Variants in MBD5 observed in about 807,000 individuals in gnomAD.
MBD5 encodes methyl-CpG-binding domain protein 5.
MBD5 carries 13 observed loss-of-function variants against 117.3 expected under a neutral mutation model. That is an observed-to-expected ratio of 0.11 (90% CI 0.07 to 0.18). The LOEUF is 0.18. Among genes scored for constraint, MBD5 ranks in the 10% least tolerant of loss-of-function variants. The pLI is 1.00. For synonymous variants in MBD5, 727 were observed against 766.4 expected (o/e 0.95, Z 0.85); for missense variants, 1,879 against 2,093.8 (o/e 0.90, Z 2.00).
chr2:148,181,643 T>G (rs1375782387), intron 2 of MBD5, among the ~76,000 whole-genome samples: 1 of 152,216 alleles, frequency 6.6e-6, no homozygotes, highest in African/African-American at 2.4e-5. Flanking sequence ...ATTTCCCTCT[T>G]CTGAACTTGC....
chr2:148,088,119 C>T (rs757211478), intron 1 of MBD5, among the ~76,000 whole-genome samples: 3 of 151,854 alleles, frequency 2.0e-5, no homozygotes, highest in South Asian at 2.1e-4. Flanking sequence ...GAACTTCACA[C>T]GTTGAAGACA....
chr2:148,471,950 A>G (rs1022020260), intron 8 of MBD5: 1 of 152,086 alleles, frequency 6.6e-6, no homozygotes, highest in Non-Finnish European at 1.5e-5. Context: ...ATTTAAAAGT[A>G]CACCATATTT....
intron 3 of MBD5, among the ~76,000 whole-genome samples, chr2:148,326,078 T>G (rs1702441213): frequency 1.3e-5 from 2 of 152,222 alleles, no homozygotes; most frequent in Non-Finnish European, 2.9e-5. Context: ...TATTTCTGCC[T>G]TCATTTCGTT....
At position 148,377,507 on chromosome 2, in the gene MBD5, A is replaced by G. The variant is rs569653761; in HGVS notation, c.-557+35171A>G. 3.9e-5 allele frequency among the ~76,000 whole-genome samples: 6 copies of G among 152,310 alleles called. No individual in the cohort carries two copies. In the East Asian group the frequency reaches 9.6e-4, roughly 24 times the overall value. On this transcript the variant is annotated intron_variant, in intron 4 of 13. Transcript: ENST00000642680. ...GGTTGAGAACCAGTAAGGGACTCCT[A>G]TGTCTTTGCTTCATGGGCAACTAAG... is the stretch of plus-strand genomic sequence containing the variant.
Position 148,258,838 on chromosome 2 carries a change from G to A in MBD5, c.-680+25443G>A, listed in dbSNP as rs113911150. Among the ~76,000 whole-genome samples, 822 of 152,256 alleles carry A rather than the reference G, an allele frequency of 5.4e-3. 10 individuals are homozygous for A. The highest frequency in any genetic ancestry group is 0.019 in the African/African-American group (795 of 41,550). ...TCCCATGGGGGCCCCCCTGTGGGTG[G>A]GGCATCTTCCCCTTCTTTAAGGCGC... On this transcript the variant is annotated intron_variant, in intron 3 of 13. Transcript: ENST00000642680.
intron 2 of MBD5, among the ~76,000 whole-genome samples, chr2:148,201,284 G>A (rs916761663): frequency 2.6e-5 from 4 of 152,202 alleles, no homozygotes; most frequent in Admixed American, 2.6e-4. Flanking sequence ...CTCCACATGG[G>A]GCTTGTTCCT....
intron 4 of MBD5, among the ~76,000 whole-genome samples, chr2:148,397,325 C>CTTTTTT (rs34236548): frequency 3.0e-5 from 3 of 100,668 alleles, no homozygotes; most frequent in Non-Finnish European, 3.9e-5. Context: ...TCTTCTGATC[C>CTTTTTT]TTTTTTTTTT....
At chr2:148,452,825 G>A (rs548175317) in intron 4 of MBD5, among the ~76,000 whole-genome samples, 1 of 152,252 alleles carries the variant, frequency 6.6e-6, no homozygotes, top group African/African-American at 2.4e-5. Flanking sequence ...ATCACTCAGA[G>A]ATTGTGAGAT....
At chr2:148,054,047 A>G (rs1048509712) in intron 1 of MBD5, 2 of 151,940 alleles carry the variant, frequency 1.3e-5, no homozygotes, top group Admixed American at 1.3e-4. Context: ...AGCTGGGACT[A>G]CAGGTGGGCG....
intron 1 of MBD5, among the ~76,000 whole-genome samples, chr2:148,106,044 T>C (rs1479014136): frequency 1.3e-5 from 2 of 152,054 alleles, no homozygotes; most frequent in East Asian, 3.9e-4. Flanking sequence ...TTTTTTGTCC[T>C]AGTACATAAT....
At chr2:148,036,151 A>T (rs1694189159) in intron 1 of MBD5, among the ~76,000 whole-genome samples, 1 of 151,910 alleles carries the variant, frequency 6.6e-6, no homozygotes, top group Non-Finnish European at 1.5e-5. Flanking sequence ...GTTGAGGGAG[A>T]TAGTGGGAAA....
chr2:148,094,299 A>G (rs763276323), intron 1 of MBD5, among the ~76,000 whole-genome samples: 9 of 152,200 alleles, frequency 5.9e-5, no homozygotes, highest in Non-Finnish European at 8.8e-5. Context: ...CTTTCCTTGC[A>G]TAAAACTCTA....
chr2:148,195,991 A>T (rs1257709218), intron 2 of MBD5, among the ~76,000 whole-genome samples: 1 of 152,224 alleles, frequency 6.6e-6, no homozygotes, highest in Admixed American at 6.5e-5. Context: ...ATGGGAAGTC[A>T]TTAAAATAGC....
At chr2:148,413,005 G>A (rs1282309007) in intron 4 of MBD5, among the ~76,000 whole-genome samples, 4 of 152,122 alleles carry the variant, frequency 2.6e-5, no homozygotes, top group African/African-American at 9.7e-5. Context: ...ATCAATAGGA[G>A]TGGTGAGAAT....
intron 1 of MBD5, among the ~76,000 whole-genome samples, chr2:148,098,966 G>T (rs1696135445): frequency 6.6e-6 from 1 of 152,104 alleles, no homozygotes; most frequent in African/African-American, 2.4e-5. Flanking sequence ...GATGCAGTTG[G>T]ATCGTTTGAG....
chr2:148,407,432 G>C (rs1481508687), intron 4 of MBD5, among the ~76,000 whole-genome samples: 1 of 151,698 alleles, frequency 6.6e-6, no homozygotes, highest in South Asian at 2.1e-4. Flanking sequence ...GATTGATGCT[G>C]CCAGAAATTT....
At chr2:148,131,220 T>C (rs1379330850) in intron 1 of MBD5, among the ~76,000 whole-genome samples, 1 of 152,180 alleles carries the variant, frequency 6.6e-6, no homozygotes, top group Non-Finnish European at 1.5e-5. Context: ...TGAGGGTTTT[T>C]TTGTTTGTTT....
intron 1 of MBD5, among the ~76,000 whole-genome samples, chr2:148,152,719 T>G (rs971224921): frequency 5.3e-5 from 8 of 150,840 alleles, no homozygotes; most frequent in East Asian, 1.9e-4. Flanking sequence ...CTTTTGATCT[T>G]TGTTGGTTTA....
chr2:148,086,708 T>A (rs1558919736), intron 1 of MBD5, among the ~76,000 whole-genome samples: 1 of 152,146 alleles, frequency 6.6e-6, no homozygotes, highest in Non-Finnish European at 1.5e-5. Flanking sequence ...TGGGATTCTT[T>A]TTGTATTTCC....
Sources: gnomAD v4.1 joint callset for allele counts (sites outside exome capture counted in the v4.1 genomes callset) on GRCh38, gnomAD v4.1.1 for gene constraint, MANE v1.5 for transcripts, NCBI Gene and HGNC (gene_info 2026-07-23, HGNC 2026-07-21) for gene names.